The following IARS1 variants were observed in gnomAD, a reference collection of about 807,000 sequenced individuals.
IARS1 encodes the protein isoleucyl-tRNA synthetase 1.
Under a neutral mutation model 168.2 loss-of-function variants are expected in IARS1, and 124 were observed. The ratio of observed to expected loss-of-function variants is 0.74; its 90% CI spans 0.64 to 0.86. The LOEUF is 0.86. Among genes scored for constraint, IARS1 ranks in the 40% least tolerant of loss-of-function variants. The probability of loss-of-function intolerance (pLI) is 0.00; values close to 1 mark genes in which losing one functional copy is unlikely to be tolerated. For missense variants in IARS1, 1,452 were observed against 1,515.8 expected (o/e 0.96, Z 0.70); for synonymous variants, 532 against 529.4 (o/e 1.00, Z -0.07).
chr9:92,281,961 T>C (rs1834639821), intron 6 of IARS1, among the ~76,000 whole-genome samples: 1 of 151,978 alleles, frequency 6.6e-6, no homozygotes, highest in Non-Finnish European at 1.5e-5. Context: ...AGGTCTTTTT[T>C]GTTTTTCTTT....
chr9:92,286,159 A>G (rs1587898175), intron 5 of IARS1: 1 of 284,184 alleles, frequency 3.5e-6, no homozygotes, highest in Non-Finnish European at 6.7e-6. Context: ...CCTAGGTCAG[A>G]AGTTCGAGAC....
intron 19 of IARS1, among the ~76,000 whole-genome samples, chr9:92,257,118 C>T (rs2133766115): frequency 6.6e-6 from 1 of 152,254 alleles, no homozygotes; most frequent in East Asian, 1.9e-4. Flanking sequence ...TTACTTTAAA[C>T]CTCAGGAAGG....
chr9:92,259,254 A>C (rs1247773717), intron 18 of IARS1, among the ~76,000 whole-genome samples: 1 of 152,242 alleles, frequency 6.6e-6, no homozygotes, highest in African/African-American at 2.4e-5. Flanking sequence ...AATGCATCTT[A>C]TGCCACTCTC....
chr9:92,229,664 T>C (rs1186751663), intron 30 of IARS1, among the ~76,000 whole-genome samples: 3 of 152,192 alleles, frequency 2.0e-5, no homozygotes, highest in African/African-American at 4.8e-5. Context: ...TTTGAGTTAA[T>C]TGTAGAGCCA....
intron 20 of IARS1, among the ~76,000 whole-genome samples, chr9:92,255,764 G>C (rs1436584169): frequency 6.6e-6 from 1 of 152,128 alleles, no homozygotes; most frequent in Non-Finnish European, 1.5e-5. Flanking sequence ...GCATTCTGCA[G>C]ATAAAGAAAC....
intron 33 of IARS1, among the ~76,000 whole-genome samples, chr9:92,215,789 C>T (rs1432052138): frequency 6.6e-6 from 1 of 151,738 alleles, no homozygotes; most frequent in Admixed American, 6.6e-5. Context: ...ACCAAATCTA[C>T]GTCTGACTGG....
chr9:92,268,065 TAAGA>T, intron 14 of IARS1, 105 bp downstream of exon 14: 2 of 1,162,034 alleles, frequency 1.7e-6, no homozygotes, highest in Non-Finnish European at 1.2e-6. Context: ...AAAGATGAAA[TAAGA>T]AAGGGGCAAA....
chr9:92,254,205 G>A (rs1193379760), intron 20 of IARS1, among the ~76,000 whole-genome samples: 3 of 152,174 alleles, frequency 2.0e-5, no homozygotes, highest in Non-Finnish European at 2.9e-5. Flanking sequence ...AGGTCTTGAG[G>A]AATTAGGAGG....
At chr9:92,257,152 T>C (rs1480773829) in intron 19 of IARS1, among the ~76,000 whole-genome samples, 1 of 152,226 alleles carries the variant, frequency 6.6e-6, no homozygotes. Flanking sequence ...CTGTCTAGGA[T>C]TGAATGATTG....
chr9:92,255,590 A>C (rs1234377585), intron 20 of IARS1, among the ~76,000 whole-genome samples: 1 of 152,204 alleles, frequency 6.6e-6, no homozygotes, highest in Non-Finnish European at 1.5e-5. Flanking sequence ...TGCTCTTCTG[A>C]CTTTTCTAAT....
intron 14 of IARS1, among the ~76,000 whole-genome samples, chr9:92,267,609 T>A (rs1832459585): frequency 6.6e-6 from 1 of 152,236 alleles, no homozygotes; most frequent in East Asian, 1.9e-4. Context: ...TCCTCCTGCC[T>A]TGGCCTCCCT....
chr9:92,264,864 A>C (rs1001754567), intron 16 of IARS1, 65 bp downstream of exon 16: 1 of 1,372,230 alleles, frequency 7.3e-7, no homozygotes, highest in Non-Finnish European at 1.0e-6. Context: ...GCAGTGACTT[A>C]GTAAAATACT....
intron 21 of IARS1, 36 bp downstream of exon 21, chr9:92,253,326 C>T (rs1375459180): frequency 7.7e-7 from 1 of 1,305,846 alleles, no homozygotes; most frequent in Non-Finnish European, 1.1e-6. Context: ...AAACTTCATA[C>T]ACTTTTTGCT....
At chr9:92,289,206 CAAA>C (rs11438082) in intron 2 of IARS1, 92 bp downstream of exon 2, 5,106 of 321,522 alleles carry the variant, frequency 0.016, no homozygotes, top group East Asian at 0.022. Flanking sequence ...GACTCCATCT[CAAA>C]AAAAAAAAAA....
intron 22 of IARS1, 92 bp downstream of exon 22, chr9:92,251,716 C>T: frequency 1.2e-6 from 1 of 843,112 alleles, no homozygotes. Flanking sequence ...CAGAATAATA[C>T]AGAATGGATA....
chr9:92,234,067 CT>C (rs1292463797), intron 30 of IARS1, among the ~76,000 whole-genome samples: 1 of 152,156 alleles, frequency 6.6e-6, no homozygotes, highest in Admixed American at 6.5e-5. Context: ...GACCTAGCAT[CT>C]TTTTTTAAGT....
At chr9:92,271,747 T>C in intron 10 of IARS1, 92 bp from the exon 11 acceptor site, 1 of 1,345,826 alleles carries the variant, frequency 7.4e-7, no homozygotes, top group Non-Finnish European at 1.1e-6. Context: ...TGTTCTATAT[T>C]GTAACATATA....
chr9:92,287,194 T>C (rs1564189864), intron 4 of IARS1, among the ~76,000 whole-genome samples: 1 of 152,154 alleles, frequency 6.6e-6, no homozygotes, highest in East Asian at 1.9e-4. Flanking sequence ...CCTCACACAT[T>C]GAGAGACATT....
chr9:92,239,645 C>G (rs575444979), intron 30 of IARS1, among the ~76,000 whole-genome samples: 13 of 152,214 alleles, frequency 8.5e-5, no homozygotes, highest in African/African-American at 2.9e-4. Context: ...TTGTTACTGC[C>G]CAGAAGGGAT....
Sources: allele counts gnomAD v4.1 joint callset (sites outside exome capture counted in the v4.1 genomes callset), GRCh38; gene constraint gnomAD v4.1.1; transcripts MANE v1.5; gene names NCBI Gene and HGNC (gene_info 2026-07-23, HGNC 2026-07-21).